SYT7: variants seen among roughly 807,000 people sequenced by gnomAD.
The protein encoded by SYT7 is synaptotagmin 7.
In SYT7, 29 loss-of-function variants were observed where a neutral mutation model predicts 75.1. The observed-to-expected ratio is 0.39, with a 90% CI of 0.29 to 0.53. SYT7 has a LOEUF of 0.53. SYT7 is among the 20% of genes least tolerant of loss of function. The probability of loss-of-function intolerance (pLI) is 0.77; values close to 1 mark genes in which losing one functional copy is unlikely to be tolerated. For synonymous variants in SYT7, 376 were observed against 401.7 expected, an observed-to-expected ratio of 0.94 and a Z score of 0.76; for missense variants, 693 against 953.2, an observed-to-expected ratio of 0.73 and a Z score of 3.59.
chr11:61,551,233 G>T lies in SYT7; in HGVS notation c.215+151C>A. ...GAAAAGACGGGGCCCCTGAGTTTTT[G>T]GGGGTGTGTGGAGGGTGTAGAGAGC... On this transcript the variant is annotated intron_variant, in intron 3 of 12. Coordinates refer to ENST00000539008, the MANE Select transcript of SYT7 (RefSeq NM_001365809.2). The surrounding 1 kb of genome is among the most constrained non-coding windows in gnomAD (Gnocchi z 5.3). 2 of 722,788 alleles carry T rather than the reference G, an allele frequency of 2.8e-6. No homozygotes were observed. Among genetic ancestry groups the T allele is most frequent in the South Asian group, 3.6e-5 (2 of 55,542 alleles). 44.8% of individuals were successfully genotyped at this position (722,788 alleles called of 1,614,324 possible).
intron 12 of SYT7, among the ~76,000 whole-genome samples, chr11:61,521,243 G>A (rs1422563101): frequency 6.6e-6 from 1 of 152,222 alleles, no homozygotes; most frequent in South Asian, 2.1e-4. Context: ...AGATCCTTGG[G>A]CTCCGTAAGT....
At position 61,542,542 on chromosome 11, in the gene SYT7, C is replaced by T; in HGVS notation, c.610G>A (p.Glu204Lys). Residue 204 changes from glutamate to lysine, a missense_variant, in exon 6 of 13, where the codon GAG (glutamate) becomes AAG (lysine). Coordinates refer to ENST00000539008, the MANE Select transcript of SYT7 (RefSeq NM_001365809.2). This position sits in a 1 kb window ranked among gnomAD's most constrained non-coding sequence, Gnocchi z 7.8. Reference protein sequence around the residue: ...DSTLSTATTLESIPSSTGEPK... With the variant: ...DSTLSTATTLKSIPSSTGEPK... ...TCTCCCGTGGAGCTGGGGATAGACT[C>T]AAGGGTAGTGGCCGTGGACAGGGTG... 1 of 1,525,908 alleles carries T rather than the reference C, an allele frequency of 6.6e-7. No individual in the cohort carries two copies. The highest frequency in any genetic ancestry group is 8.8e-7 in the Non-Finnish European group (1 of 1,141,004). The allele number at this position is 1,525,908 out of a possible 1,614,324, so 94.5% of individuals were successfully genotyped here.
At position 61,534,988 on chromosome 11, in the gene SYT7, T is replaced by C. The variant is rs575982162; in HGVS notation, c.1065-1864A>G. On this transcript the variant is annotated intron_variant, in intron 7 of 12. Transcript: ENST00000539008. ...AGTGTGAGATTGACTGCTGAAGATA[T>C]GAGAACGTTAGAGTTATTTGGCCAC... 6.6e-5 allele frequency among the ~76,000 whole-genome samples: 10 copies of C among 152,176 alleles called. No homozygotes were observed. In the East Asian group the frequency reaches 1.4e-3, roughly 21 times the overall value.
intron 9 of SYT7, among the ~76,000 whole-genome samples, chr11:61,526,823 G>A (rs768615844): frequency 9.2e-5 from 14 of 152,188 alleles, no homozygotes; most frequent in Non-Finnish European, 1.9e-4. Flanking sequence ...CTCACCCTCA[G>A]TGCCATTTAG....
At chr11:61,566,926 C>T (rs1187920142) in intron 1 of SYT7, among the ~76,000 whole-genome samples, 3 of 152,198 alleles carry the variant, frequency 2.0e-5, no homozygotes, top group Admixed American at 1.3e-4. Context: ...GCCACCTGCC[C>T]GAATGCCCTT....
intron 8 of SYT7, among the ~76,000 whole-genome samples, chr11:61,528,500 C>G (rs1471233579): frequency 6.6e-6 from 1 of 152,162 alleles, no homozygotes; most frequent in Non-Finnish European, 1.5e-5. Flanking sequence ...GCCTCGCCTT[C>G]CTGGCTGCAG....
intron 1 of SYT7, among the ~76,000 whole-genome samples, chr11:61,574,930 C>T (rs1009265253): frequency 6.6e-6 from 1 of 152,126 alleles, no homozygotes; most frequent in Non-Finnish European, 1.5e-5. Context: ...CTCTCCTCCA[C>T]TCCCCTCGTG....
chr11:61,523,963 G>A lies in SYT7; in HGVS notation c.1642-22C>T, dbSNP rs367719770. The A allele has an allele frequency of 2.5e-6, 4 of 1,609,382 alleles. No homozygotes were observed. Among genetic ancestry groups the A allele is most frequent in the Non-Finnish European group, 3.4e-6 (4 of 1,175,892 alleles). On this transcript the variant is annotated intron_variant, in intron 10 of 12. Transcript: ENST00000539008. This position sits in a 1 kb window ranked among gnomAD's most constrained non-coding sequence, Gnocchi z 5.0. Reference sequence around the variant, plus strand: ...TCCCCTGGGAGGCACGACAGGAGGGGTGTGGGGAACTAGGCTAGCAGAGCT... The same window carrying A: ...TCCCCTGGGAGGCACGACAGGAGGGATGTGGGGAACTAGGCTAGCAGAGCT...
In SYT7 at chr11:61,515,748, A is replaced by G. The variant is rs2062133599; in HGVS notation, c.*2879T>C. 6.6e-6 allele frequency: 1 copy of G among 152,588 alleles called. No homozygotes were observed. Among genetic ancestry groups the G allele is most frequent in the African/African-American group, 2.4e-5 (1 of 41,412 alleles). 9.5% of individuals were successfully genotyped at this position (152,588 alleles called of 1,614,324 possible). On this transcript the variant is annotated 3_prime_UTR_variant, in exon 13 of 13. Transcript: ENST00000539008. ...ATGGGGAGATGGTCACAAGAAAGGAAACCAGGACAAGATAAGGACTAAGTC... is the reference window on the plus strand; with the variant it reads ...ATGGGGAGATGGTCACAAGAAAGGAGACCAGGACAAGATAAGGACTAAGTC...
rs2062436709 is a variant in SYT7, at chr11:61,524,163, C to A, written c.1641+200G>T. Among the ~76,000 whole-genome samples the A allele has an allele frequency of 6.6e-6, 1 of 152,206 alleles. No individual in the cohort carries two copies. The highest frequency in any genetic ancestry group is 2.4e-5 in the African/African-American group (1 of 41,452). On this transcript the variant is annotated intron_variant, in intron 10 of 12. Coordinates refer to ENST00000539008, the MANE Select transcript of SYT7 (RefSeq NM_001365809.2). The surrounding 1 kb of genome is among the most constrained non-coding windows in gnomAD (Gnocchi z 4.1). ...CCCTGAACATAGCCCTAGGTTCCTT[C>A]TTACAGATCGGGTGAGTCCCCCCAA...
At chr11:61,569,044 G>GTCC (rs1775379565) in intron 1 of SYT7, among the ~76,000 whole-genome samples, 1 of 152,170 alleles carries the variant, frequency 6.6e-6, no homozygotes, top group African/African-American at 2.4e-5. Flanking sequence ...CAGGCAGGGA[G>GTCC]TCCTAGGGGC....
intron 1 of SYT7, among the ~76,000 whole-genome samples, chr11:61,578,405 A>G (rs2064144371): frequency 1.3e-5 from 2 of 151,714 alleles, no homozygotes; most frequent in Non-Finnish European, 2.9e-5. Flanking sequence ...GGTGTTCCTG[A>G]GAGTGGGATG....
intron 8 of SYT7, 147 bp downstream of exon 8, chr11:61,532,842 T>C (rs2062750827): frequency 8.1e-7 from 1 of 1,230,044 alleles, no homozygotes; most frequent in East Asian, 2.8e-5. Context: ...GCCACCATGC[T>C]GGGCCTGGCT....
At chr11:61,559,811 T>A (rs2063592465) in intron 1 of SYT7, among the ~76,000 whole-genome samples, 1 of 152,100 alleles carries the variant, frequency 6.6e-6, no homozygotes, top group Non-Finnish European at 1.5e-5. Flanking sequence ...GTGGGCACAC[T>A]CTGAAAGGTC....
At chr11:61,521,216 G>T (rs1170456426) in intron 12 of SYT7, among the ~76,000 whole-genome samples, 1 of 152,238 alleles carries the variant, frequency 6.6e-6, no homozygotes, top group East Asian at 1.9e-4. Flanking sequence ...CAGGAGCTGG[G>T]AGTCAGAAGG....
intron 2 of SYT7, among the ~76,000 whole-genome samples, chr11:61,555,341 A>C (rs2135341255): frequency 1.3e-5 from 2 of 151,896 alleles, no homozygotes; most frequent in African/African-American, 4.8e-5. Flanking sequence ...GTCCCACCAC[A>C]CTTCTGGGCC....
chr11:61,525,964 G>C (rs1453256820), intron 9 of SYT7: 1 of 152,416 alleles, frequency 6.6e-6, no homozygotes, highest in Admixed American at 6.5e-5. Flanking sequence ...TCAGAGGTGG[G>C]ACTGGCCCAG....
chr11:61,572,682 G>T (rs2063954635), intron 1 of SYT7, among the ~76,000 whole-genome samples: 1 of 152,170 alleles, frequency 6.6e-6, no homozygotes. Flanking sequence ...ACCACTGGGA[G>T]CCTCTCCCTT....
Position 61,517,272 on chromosome 11 carries a change from G to A in SYT7, c.*1355C>T. 2.5e-6 allele frequency: 1 copy of A among 398,696 alleles called. No individual in the cohort carries two copies. The highest frequency in any genetic ancestry group is 4.4e-6 in the Non-Finnish European group (1 of 226,102). The allele number at this position is 398,696 out of a possible 1,614,324, so 24.7% of individuals were successfully genotyped here. A position where few individuals can be genotyped will look rare whatever the true frequency, so the allele number is the denominator to read the frequency against. ...CGTCTCCAAGGGGAAGCCAGTTTTA[G>A]TCTCATCAGTGGCCGAGGCAGAGAA... On this transcript the variant is annotated 3_prime_UTR_variant, in exon 13 of 13. Transcript: ENST00000539008.
Sources: allele counts gnomAD v4.1 joint callset (sites outside exome capture counted in the v4.1 genomes callset), GRCh38; gene constraint gnomAD v4.1.1; non-coding constraint Gnocchi (gnomAD v3.1); transcripts MANE v1.5; gene names NCBI Gene and HGNC (gene_info 2026-07-23, HGNC 2026-07-21).